PLEC: variants seen among roughly 807,000 people sequenced by gnomAD.
PLEC encodes the protein plectin.
In PLEC, 216 loss-of-function variants were observed where a neutral mutation model predicts 392.8. That is an observed-to-expected ratio of 0.55 (90% CI 0.49 to 0.62). The LOEUF (loss-of-function observed/expected upper bound fraction) is 0.62, where lower values mean the gene tolerates loss of function less well. Among genes scored for constraint, PLEC ranks in the 20% least tolerant of loss-of-function variants. The pLI is 0.00. For missense variants in PLEC, 6,863 were observed against 6,563.4 expected (o/e 1.05, Z -1.58); for synonymous variants, 3,621 against 2,980.6 (o/e 1.21, Z -7.00).
At chr8:143,934,220 G>A (rs2132024723) in intron 11 of PLEC, 98 bp downstream of exon 11, 2 of 1,595,456 alleles carry the variant, frequency 1.3e-6, no homozygotes, top group East Asian at 4.5e-5. Flanking sequence ...GTGGGAGCTT[G>A]GGTTCCCCCG....
Position 143,973,364 on chromosome 8 carries a change from C to T in PLEC, c.70+39G>A. ...ACAAGGTGCTCGGCGGCTGGGCTGT[C>T]AGGAGCGGCCCGACAGGCAGCGGGA... On this transcript the variant is annotated intron_variant, in intron 1 of 31. Coordinates refer to the PLEC transcript ENST00000356346. The surrounding 1 kb of genome is among the most constrained non-coding windows in gnomAD (Gnocchi z 5.6). 1 of 1,549,584 alleles carries T rather than the reference C, an allele frequency of 6.5e-7. No homozygotes were observed.
rs782624380 is a variant in PLEC at position 143,925,354 on chromosome 8, G to A, written c.4575C>T (p.Ala1525=). 2.6e-5 allele frequency: 41 copies of A among 1,551,150 alleles called. No homozygotes were observed. The highest frequency in any genetic ancestry group is 2.0e-4 in the Middle Eastern group (1 of 5,034). ...VELASRVKAE[A]EAAREKQRAL... ...CCCGCTGCTTCTCGCGCGCCGCCTC[G>A]GCCTCGGCCTTCACGCGCGAGGCCA... The change falls in exon 31 of 32, where the codon GCC becomes GCT. Residue 1525 remains alanine, a synonymous_variant. Transcript: ENST00000345136.
At chr8:143,928,392 G>C (rs559761359) in intron 25 of PLEC, among the ~76,000 whole-genome samples, 9 of 152,116 alleles carry the variant, frequency 5.9e-5, no homozygotes, top group Non-Finnish European at 7.4e-5. Flanking sequence ...CCCTGTGGTA[G>C]CCAGCGGCGG....
Position 143,933,052 on chromosome 8 carries a change from T to C in PLEC, c.1478A>G (p.Lys493Arg), listed in dbSNP as rs1554718740. 6.3e-7 allele frequency: 1 copy of C among 1,593,266 alleles called. No individual in the cohort carries two copies. The highest frequency in any genetic ancestry group is 1.3e-5 in the African/African-American group (1 of 74,500). Residue 493 changes from lysine (K) to arginine (R), a missense_variant, in exon 14 of 32, where the codon AAG (lysine) becomes AGG (arginine). Lys to Arg is a conservative substitution (Grantham distance 26). Transcript: ENST00000345136. ...AIRTEYNLRL[K>R]AGVAAPATQV... is the part of the protein sequence containing the mutation. ...GGTTGCAGGGGCCGCCACGCCTGCC[T>C]TCAGCCGTAGGTTGTACTCGGTGCG...
rs1397907146 is a variant in PLEC, at chr8:143,934,054, T to C, written c.1207A>G (p.Met403Val). The C allele has an allele frequency of 1.7e-5, 28 of 1,611,386 alleles. No individual in the cohort carries two copies. The highest frequency in any genetic ancestry group is 5.5e-5 in the South Asian group (5 of 90,978). ...CLQRIVTKLQ[M>V]EAGLCEEQLN... Reference sequence around the variant, plus strand: ...TGCTCCTCACACAGCCCCGCCTCCATCTGCAGCTTGGTCACGATGCGCTGA... The same window carrying C: ...TGCTCCTCACACAGCCCCGCCTCCACCTGCAGCTTGGTCACGATGCGCTGA... The change falls in exon 12 of 32, where the codon ATG becomes GTG. Residue 403 changes from methionine (M) to valine (V), a missense_variant. By Grantham distance (21) the Met-to-Val change is conservative (BLOSUM62 1). Transcript: ENST00000345136.
Position 143,922,409 on chromosome 8 carries a change from G to C in PLEC, c.7426-14C>G, listed in dbSNP as rs782288481. ...CACCGTCTGCATCTGCAGAAGAAGA[G>C]GGTGTGATCAGGGACCGCCAGCCCA... On this transcript the variant is annotated splice_polypyrimidine_tract_variant and intron_variant, in intron 31 of 31. Coordinates refer to ENST00000345136, the MANE Select transcript of PLEC (RefSeq NM_201384.3). 14 of 1,600,752 alleles carry C rather than the reference G, an allele frequency of 8.7e-6. No individual in the cohort carries two copies. In the East Asian group the frequency reaches 8.9e-5, roughly 10 times the overall value.
Position 143,973,424 on chromosome 8 carries a change from C to T in PLEC, c.49G>A (p.Glu17Lys), listed in dbSNP as rs782678820. Residue 17 changes from glutamate (E) to lysine (K), a missense_variant, in exon 1 of 32, where the codon GAG becomes AAG. Physicochemically the swap from Glu to Lys is moderately conservative, Grantham distance 56 (BLOSUM62 1). Coordinates refer to the PLEC transcript ENST00000356346. This position sits in a 1 kb window ranked among gnomAD's most constrained non-coding sequence, Gnocchi z 5.6. Reference sequence around the variant, plus strand: ...GTACCTTTGTACTTCTCGCGCACCTCCTCGTAGGCCTGGATGAAGTCCTGC... The same window carrying T: ...GTACCTTTGTACTTCTCGCGCACCTTCTCGTAGGCCTGGATGAAGTCCTGC... 6 of 1,548,758 alleles carry T rather than the reference C, an allele frequency of 3.9e-6. No individual in the cohort carries two copies. The African/African-American group carries it at 4.2e-5, about 11-fold the overall frequency.
intron 1 of PLEC, among the ~76,000 whole-genome samples, chr8:143,972,217 A>T (rs1308609726): frequency 1.3e-5 from 2 of 151,854 alleles, no homozygotes; most frequent in Non-Finnish European, 2.9e-5. Context: ...CCTGCCCTAT[A>T]CCCCAGCACC....
rs1196701287 is a variant in PLEC, at chr8:143,915,172, T to C, written c.*1005A>G. 1.3e-5 allele frequency: 2 copies of C among 152,594 alleles called. No individual in the cohort carries two copies. The highest frequency in any genetic ancestry group is 2.4e-5 in the African/African-American group (1 of 41,468). 9.5% of individuals were successfully genotyped at this position (152,594 alleles called of 1,614,324 possible). The stretch of plus-strand genomic sequence containing the variant: ...CACGGGAAGGTTGGAATTGCTTTTA[T>C]TGGGGGCGGATACCGCAAGGCCCCG... On this transcript the variant is annotated 3_prime_UTR_variant, in exon 32 of 32. Coordinates refer to ENST00000345136, the MANE Select transcript of PLEC (RefSeq NM_201384.3).
At chr8:143,933,395 C>T in intron 12 of PLEC, 44 bp from the exon 13 acceptor site, 2 of 1,601,730 alleles carry the variant, frequency 1.2e-6, no homozygotes, top group Non-Finnish European at 1.7e-6. Context: ...TGATCCCCCT[C>T]TGACCTCACA....
At chr8:143,952,459 A>G (rs1832286467), upstream of PLEC, among the ~76,000 whole-genome samples, 1 of 152,034 alleles carries the variant, frequency 6.6e-6, no homozygotes, top group Non-Finnish European at 1.5e-5. Flanking sequence ...CCCTCCACCC[A>G]CCAGGGTTGT....
rs372233686 is a variant in PLEC, at chr8:143,935,064, G to A, written c.772C>T (p.Leu258=). 2.9e-4 allele frequency: 470 copies of A among 1,612,890 alleles called. 1 individual carries two copies. Among genetic ancestry groups the A allele is most frequent in the Non-Finnish European group, 3.6e-4 (420 of 1,179,952 alleles). The change falls in exon 8 of 32, where the codon CTG becomes TTG. Residue 258 remains leucine, a synonymous_variant. Coordinates refer to ENST00000345136, the MANE Select transcript of PLEC (RefSeq NM_201384.3). ...EKSIITYVSS[L]YDAMPRVPDV... Reference sequence around the variant, plus strand: ...GGCACGCGGGGCATGGCGTCATACAGCGACGAGACGTAGGTGATGATGGAC... The same window carrying A: ...GGCACGCGGGGCATGGCGTCATACAACGACGAGACGTAGGTGATGATGGAC...
Position 143,929,171 on chromosome 8 carries a change from G to A in PLEC, c.3192C>T (p.Arg1064=), listed in dbSNP as rs73377210. ...PEPSPAAPTL[R]SELELTLGKL... ...TGCCCAGCGTCAGCTCCAGCTCCGA[G>A]CGCAGCGTGGGGGCCGCAGGCGATG... is the stretch of plus-strand genomic sequence containing the variant. Residue 1064 remains arginine, a synonymous_variant, in exon 25 of 32, where the codon CGC becomes CGT. Transcript: ENST00000345136. The A allele has an allele frequency of 2.0e-3, 3,157 of 1,595,606 alleles. 77 individuals are homozygous for A. In the African/African-American group the frequency reaches 0.038, roughly 19 times the overall value.
In PLEC at chr8:143,931,395, C is replaced by T. The variant is rs538148741; in HGVS notation, c.2304+139G>A. ...AGAACATCCTGCCTCATTCCCGCTT[C>T]GGCTGACCTCTACACCTCCCATGGT... On this transcript the variant is annotated intron_variant, in intron 19 of 31. Coordinates refer to ENST00000345136, the MANE Select transcript of PLEC (RefSeq NM_201384.3). 1.5e-4 allele frequency: 110 copies of T among 754,172 alleles called. 6 individuals are homozygous for T. In the African/African-American group the frequency reaches 1.6e-3, roughly 11 times the overall value. 46.7% of individuals were successfully genotyped at this position (754,172 alleles called of 1,614,324 possible). A position where few individuals can be genotyped will look rare whatever the true frequency, so the allele number is the denominator to read the frequency against.
At chr8:143,971,006 T>TG (rs1316822363) in intron 1 of PLEC, among the ~76,000 whole-genome samples, 7 of 151,910 alleles carry the variant, frequency 4.6e-5, no homozygotes, top group African/African-American at 1.2e-4. Flanking sequence ...ACAGGGAGAA[T>TG]GGGGGGGCTG....
intron 30 of PLEC, 126 bp downstream of exon 30, chr8:143,926,658 C>G (rs1564073555): frequency 4.8e-6 from 4 of 831,588 alleles, no homozygotes; most frequent in Non-Finnish European, 8.3e-6. Context: ...GGGGTGCTGG[C>G]AGCGCCAGTG....
At chr8:143,950,868 C>T (rs555757227) in exon 1 of PLEC, 5 of 1,396,734 alleles carry the variant, frequency 3.6e-6, no homozygotes, top group East Asian at 5.1e-5. Context: ...AGCGTGAGGG[C>T]GCGGGCTCCC....
At position 143,924,449 on chromosome 8, in the gene PLEC, TGCCGC is replaced by T; in HGVS notation, c.5475_5479del (p.Arg1826AlafsTer63). The T allele has an allele frequency of 6.4e-7, 1 of 1,557,878 alleles. No individual in the cohort carries two copies. Among genetic ancestry groups the T allele is most frequent in the Non-Finnish European group, 8.6e-7 (1 of 1,161,472 alleles). On this transcript the variant is annotated frameshift_variant, in exon 31 of 32. Coordinates refer to ENST00000345136, the MANE Select transcript of PLEC (RefSeq NM_201384.3). LOFTEE classifies it high-confidence loss of function. ...AAGCACCCGCTCCGCCTCGGCCCGC[TGCCGC>T]GCCGCGTCTTCCTCGGCCAGCTGCC...
In PLEC at chr8:143,925,546, C is replaced by CA; in HGVS notation, c.4382dup (p.Leu1461PhefsTer12). On this transcript the variant is annotated frameshift_variant, in exon 31 of 32. Coordinates refer to ENST00000345136, the MANE Select transcript of PLEC (RefSeq NM_201384.3). LOFTEE classifies it high-confidence loss of function. ...CGCCACGCTGGCGCTCGGTGGCCTCCAACTGCAGGCGCACCACGCGGATCT... is the reference window on the plus strand; with the variant it reads ...CGCCACGCTGGCGCTCGGTGGCCTCCAAACTGCAGGCGCACCACGCGGATCT... The CA allele has an allele frequency of 1.9e-6, 3 of 1,593,464 alleles. No homozygotes were observed. The highest frequency in any genetic ancestry group is 2.5e-6 in the Non-Finnish European group (3 of 1,177,190).
Sources: gnomAD v4.1 joint callset for allele counts (sites outside exome capture counted in the v4.1 genomes callset) on GRCh38, gnomAD v4.1.1 for gene constraint, Gnocchi (gnomAD v3.1) non-coding constraint, MANE v1.5 for transcripts, NCBI Gene and HGNC (gene_info 2026-07-23, HGNC 2026-07-21) for gene names.